CRPPA: variants seen among roughly 807,000 people sequenced by gnomAD.
CRPPA encodes the protein D-ribitol-5-phosphate cytidylyltransferase.
A neutral mutation model predicts 52.0 loss-of-function variants in CRPPA; 43 were observed. The ratio of observed to expected loss-of-function variants is 0.83; its 90% CI spans 0.65 to 1.07. CRPPA has a LOEUF of 1.07. CRPPA is among the 50% of genes least tolerant of loss of function. CRPPA has a pLI of 0.00. For missense variants in CRPPA, 629 were observed against 551.7 expected (o/e 1.14, Z -1.40); for synonymous variants, 250 against 203.5 (o/e 1.23, Z -1.94).
intron 8 of CRPPA, chr7:16,235,925 TG>T (rs1782939273): frequency 6.6e-6 from 1 of 152,082 alleles, no homozygotes; most frequent in Non-Finnish European, 1.5e-5. Flanking sequence ...ACTAAAGCCC[TG>T]GGATCATTCA....
intron 9 of CRPPA, among the ~76,000 whole-genome samples, chr7:16,160,649 T>C (rs1583398843): frequency 6.6e-6 from 1 of 152,324 alleles, no homozygotes; most frequent in East Asian, 1.9e-4. Context: ...CTACACGAGC[T>C]CTTTTTTGGT....
intron 8 of CRPPA, among the ~76,000 whole-genome samples, chr7:16,236,600 T>G (rs929018527): frequency 6.6e-6 from 1 of 152,150 alleles, no homozygotes; most frequent in Admixed American, 6.6e-5. Flanking sequence ...TTCCAAAACC[T>G]GCAAAAGTAA....
In CRPPA at chr7:16,141,996, C is replaced by A. The variant is rs141483947; in HGVS notation, c.1252-50197G>T. Among the ~76,000 whole-genome samples, 18 of 152,124 alleles carry A rather than the reference C, an allele frequency of 1.2e-4. No homozygotes were observed. In the East Asian group the frequency reaches 3.1e-3, roughly 26 times the overall value. On this transcript the variant is annotated intron_variant, in intron 9 of 9. Transcript: ENST00000407010. ...GAAATAGGGGAAGGGGAAGGAGAAT[C>A]ACCTTTCTCTTTAAGAAAACCACCA...
chr7:16,376,509 A>C (rs75231577), intron 2 of CRPPA, among the ~76,000 whole-genome samples: 2 of 151,994 alleles, frequency 1.3e-5, no homozygotes, highest in Non-Finnish European at 2.9e-5. Context: ...TGAAGTCAAC[A>C]CTAAAAAAAA....
At chr7:16,102,111 A>G (rs1782057726) in intron 9 of CRPPA, among the ~76,000 whole-genome samples, 1 of 152,200 alleles carries the variant, frequency 6.6e-6, no homozygotes, top group Admixed American at 6.5e-5. Context: ...AAACAGATAT[A>G]TAGACCAATG....
intron 2 of CRPPA, among the ~76,000 whole-genome samples, chr7:16,398,076 G>A (rs1021093734): frequency 5.3e-5 from 8 of 152,258 alleles, no homozygotes. Flanking sequence ...GGGCATGATT[G>A]ACACGTGAAC....
At chr7:16,213,692 T>C (rs1216709091) in intron 9 of CRPPA, among the ~76,000 whole-genome samples, 1 of 150,706 alleles carries the variant, frequency 6.6e-6, no homozygotes, top group Non-Finnish European at 1.5e-5. Flanking sequence ...GAGGTTGCAA[T>C]GAGCCGAGAT....
intron 6 of CRPPA, among the ~76,000 whole-genome samples, chr7:16,271,855 A>T (rs1034473200): frequency 1.3e-5 from 2 of 152,212 alleles, no homozygotes; most frequent in Admixed American, 1.3e-4. Flanking sequence ...GAAATAGGAA[A>T]TCATACTTGC....
chr7:16,323,310 G>A (rs1262087967), intron 3 of CRPPA, among the ~76,000 whole-genome samples: 1 of 152,088 alleles, frequency 6.6e-6, no homozygotes, highest in Admixed American at 6.5e-5. Flanking sequence ...CCTTTGCCAG[G>A]TAACTTTACA....
chr7:16,221,647 A>T (rs1176417046), intron 8 of CRPPA, among the ~76,000 whole-genome samples: 3 of 152,082 alleles, frequency 2.0e-5, no homozygotes, highest in Non-Finnish European at 4.4e-5. Context: ...ACATGAACAG[A>T]CACTTCTCAA....
intron 9 of CRPPA, among the ~76,000 whole-genome samples, chr7:16,151,978 C>T (rs1325072994): frequency 2.6e-5 from 4 of 151,822 alleles, no homozygotes; most frequent in Non-Finnish European, 2.9e-5. Context: ...AAAATTTTAA[C>T]GAAGTTGAAC....
intron 1 of CRPPA, among the ~76,000 whole-genome samples, chr7:16,416,026 A>T (rs1303564864): frequency 6.6e-6 from 1 of 152,192 alleles, no homozygotes; most frequent in African/African-American, 2.4e-5. Flanking sequence ...GTGAGATATT[A>T]AAAAATTACA....
At chr7:16,108,098 A>G (rs1191466088) in intron 9 of CRPPA, among the ~76,000 whole-genome samples, 2 of 152,072 alleles carry the variant, frequency 1.3e-5, no homozygotes, top group Non-Finnish European at 2.9e-5. Context: ...AAAATAACAG[A>G]AAACAACAAA....
chr7:16,394,117 C>T (rs950731750), intron 2 of CRPPA, among the ~76,000 whole-genome samples: 4 of 152,038 alleles, frequency 2.6e-5, no homozygotes, highest in African/African-American at 9.7e-5. Context: ...AATTTGGCAT[C>T]ATCTAGTAAA....
chr7:16,342,782 A>AAAAAAAAAAAAAAAAATAT (rs1554335212), intron 3 of CRPPA, among the ~76,000 whole-genome samples: 1 of 76,538 alleles, frequency 1.3e-5, no homozygotes. Flanking sequence ...AAAAAAAAAA[A>AAAAAAAAAAAAAAAAATAT]ATATATATAT....
intron 9 of CRPPA, among the ~76,000 whole-genome samples, chr7:16,156,298 T>C (rs1783180068): frequency 6.6e-6 from 1 of 152,192 alleles, no homozygotes; most frequent in South Asian, 2.1e-4. Context: ...TTCTCAAGTT[T>C]TGGCCACACT....
At chr7:16,095,803 G>A (rs1415348971) in intron 9 of CRPPA, among the ~76,000 whole-genome samples, 2 of 152,194 alleles carry the variant, frequency 1.3e-5, no homozygotes, top group African/African-American at 4.8e-5. Flanking sequence ...TGCCTGACAG[G>A]AAGGAATTGC....
intron 2 of CRPPA, among the ~76,000 whole-genome samples, chr7:16,380,571 G>A (rs1348845322): frequency 6.6e-6 from 1 of 152,156 alleles, no homozygotes; most frequent in Non-Finnish European, 1.5e-5. Context: ...AATGGTACCA[G>A]TTCTTCCTTG....
chr7:16,418,550 T>C (rs1037195505), intron 1 of CRPPA, among the ~76,000 whole-genome samples: 5 of 151,944 alleles, frequency 3.3e-5, no homozygotes, highest in African/African-American at 9.7e-5. Flanking sequence ...ACAAGCATGG[T>C]GGAAGGTGAA....
Sources: allele counts gnomAD v4.1 joint callset (sites outside exome capture counted in the v4.1 genomes callset), GRCh38; gene constraint gnomAD v4.1.1; transcripts MANE v1.5; gene names NCBI Gene and HGNC (gene_info 2026-07-23, HGNC 2026-07-21).